Variants in ATIC observed in about 807,000 individuals in gnomAD.
ATIC encodes 5-aminoimidazole-4-carboxamide ribonucleotide formyltransferase/IMP cyclohydrolase, also known as bifunctional purine biosynthesis protein ATIC.
A neutral mutation model predicts 72.5 loss-of-function variants in ATIC; 64 were observed. That is an observed-to-expected ratio of 0.88 (90% CI 0.72 to 1.09). The LOEUF is 1.09. Among genes scored for constraint, ATIC ranks in the 50% least tolerant of loss-of-function variants. The pLI, the probability that ATIC is intolerant of heterozygous loss-of-function variation, is 0.00. For synonymous variants in ATIC, 281 were observed against 267.1 expected, an observed-to-expected ratio of 1.05 and a Z score of -0.51; for missense variants, 787 against 732.4, an observed-to-expected ratio of 1.07 and a Z score of -0.86.
At position 215,349,210 on chromosome 2, in the gene ATIC, C is replaced by T. The variant is rs1004060261; in HGVS notation, c.1620C>T (p.Ala540=). ...KLTEVSISSD[A]FFPFRDNVDR... The stretch of plus-strand genomic sequence containing the variant: ...CTGAAGTTTCTATCAGCTCTGATGC[C>T]TTCTTCCCTTTCCGAGATAACGTAG... Residue 540 remains alanine, a synonymous_variant, in exon 15 of 16, where the codon GCC becomes GCT. Coordinates refer to ENST00000236959, the MANE Select transcript of ATIC (RefSeq NM_004044.7). 6.2e-7 allele frequency: 1 copy of T among 1,614,122 alleles called. No homozygotes were observed. The highest frequency in any genetic ancestry group is 8.5e-7 in the Non-Finnish European group (1 of 1,180,034).
At chr2:215,364,382 A>C in the ATIC span, 6 of 229,704 alleles carry the variant, frequency 2.6e-5, no homozygotes, top group South Asian at 7.0e-5. Context: ...GCTACACTGC[A>C]CTTAACACTT....
chr2:215,338,390 CA>C (rs1350622383), intron 11 of ATIC, among the ~76,000 whole-genome samples: 5 of 152,160 alleles, frequency 3.3e-5, no homozygotes, highest in African/African-American at 7.2e-5. Context: ...ATTTAATTAG[CA>C]CATCTGTTTT....
At chr2:215,347,013 A>G in intron 14 of ATIC, 72 bp downstream of exon 14, 1 of 1,527,234 alleles carries the variant, frequency 6.5e-7, no homozygotes, top group Non-Finnish European at 9.0e-7. Flanking sequence ...ACAGATTTTA[A>G]CTTCATCACC....
intron 2 of ATIC, among the ~76,000 whole-genome samples, chr2:215,313,007 G>T (rs556576686): frequency 6.6e-6 from 1 of 151,496 alleles, no homozygotes; most frequent in Non-Finnish European, 1.5e-5. Flanking sequence ...TGAGGCAGGA[G>T]AATCGCTTGA....
the ATIC span, chr2:215,365,714 AGG>A: frequency 7.6e-7 from 1 of 1,315,730 alleles, no homozygotes; most frequent in Non-Finnish European, 1.1e-6. Context: ...GACGTGTCAC[AGG>A]GTCTTCAGAA....
At chr2:215,364,740 C>A in the ATIC span, 1 of 694,920 alleles carries the variant, frequency 1.4e-6, no homozygotes. Flanking sequence ...TCTATGTCAG[C>A]AGTTGTATGC....
intron 14 of ATIC, chr2:215,347,252 C>T (rs2053081348): frequency 2.5e-6 from 1 of 404,752 alleles, no homozygotes; most frequent in African/African-American, 2.1e-5. Context: ...GACTGCTTTT[C>T]ACCTACGTCG....
At chr2:215,345,864 C>A (rs1361938372) in intron 13 of ATIC, among the ~76,000 whole-genome samples, 2 of 152,168 alleles carry the variant, frequency 1.3e-5, no homozygotes, top group African/African-American at 4.8e-5. Context: ...AGCAGCTGTG[C>A]TCAGAAAGAG....
chr2:215,354,078 A>G (rs1354795340), downstream of ATIC, among the ~76,000 whole-genome samples: 1 of 151,952 alleles, frequency 6.6e-6, no homozygotes, highest in Admixed American at 6.6e-5. Context: ...CCCAGGCTGG[A>G]GTGCAGTGGT....
chr2:215,321,091 T>G (rs2052761767), intron 4 of ATIC, among the ~76,000 whole-genome samples: 1 of 152,162 alleles, frequency 6.6e-6, no homozygotes, highest in African/African-American at 2.4e-5. Flanking sequence ...TATTAAAACA[T>G]ATTCATCACC....
At chr2:215,352,473 T>C, downstream of ATIC, among the ~76,000 whole-genome samples, 1 of 151,878 alleles carries the variant, frequency 6.6e-6, no homozygotes, top group African/African-American at 2.4e-5. Context: ...TTCCACCTAC[T>C]TGGGAGGCTG....
intron 11 of ATIC, among the ~76,000 whole-genome samples, chr2:215,336,816 G>C (rs767615269): frequency 2.2e-4 from 34 of 152,146 alleles, no homozygotes; most frequent in Non-Finnish European, 3.8e-4. Flanking sequence ...ATGTATATTG[G>C]TAATCTTAAT....
intron 7 of ATIC, among the ~76,000 whole-genome samples, chr2:215,330,439 G>GTT (rs751610332): frequency 4.3e-4 from 66 of 152,064 alleles, no homozygotes; most frequent in Non-Finnish European, 7.5e-4. Context: ...CTTCCCCGCA[G>GTT]TTTCTCCTGT....
In ATIC at chr2:215,318,241, G is replaced by A; in HGVS notation, c.223+8G>A. On this transcript the variant is annotated splice_region_variant and intron_variant, in intron 3 of 15. Transcript: ENST00000236959. ...ATCCTGCAGTCCATGCTGGTAAGTG[G>A]TTGGTATCTTTAATGTAAAAACAGT... 6.2e-7 allele frequency: 1 copy of A among 1,611,472 alleles called. No individual in the cohort carries two copies. Among genetic ancestry groups the A allele is most frequent in the Non-Finnish European group, 8.5e-7 (1 of 1,177,538 alleles).
chr2:215,327,004 G>A (rs933923841), intron 7 of ATIC, 26 bp downstream of exon 7: 1 of 1,613,998 alleles, frequency 6.2e-7, no homozygotes, highest in Non-Finnish European at 8.5e-7. Flanking sequence ...TCTGTGGCAT[G>A]GTTTGCTGTG....
chr2:215,321,431 A>C (rs1445585166), intron 4 of ATIC, among the ~76,000 whole-genome samples: 33 of 152,214 alleles, frequency 2.2e-4, no homozygotes, highest in Non-Finnish European at 2.9e-5. Flanking sequence ...TGAATAATGC[A>C]GCTATAAATA....
chr2:215,312,342 G>C, intron 1 of ATIC, 156 bp from the exon 2 acceptor site: 1 of 1,508,002 alleles, frequency 6.6e-7, no homozygotes, highest in Non-Finnish European at 9.1e-7. Flanking sequence ...CAGCTCGCGG[G>C]TGTAAGACCT....
chr2:215,325,421 A>G (rs533547933), intron 5 of ATIC, 92 bp downstream of exon 5: 9 of 954,270 alleles, frequency 9.4e-6, no homozygotes, highest in East Asian at 5.1e-5. Flanking sequence ...CTGAGGAAAT[A>G]GAAAGAAAAT....
downstream of ATIC, among the ~76,000 whole-genome samples, chr2:215,349,932 G>A (rs1008478972): frequency 3.9e-5 from 6 of 152,074 alleles, no homozygotes; most frequent in South Asian, 8.3e-4. Flanking sequence ...GGAACCAAAC[G>A]AGCTGAGCAG....
Sources: allele counts gnomAD v4.1 joint callset (sites outside exome capture counted in the v4.1 genomes callset), GRCh38; gene constraint gnomAD v4.1.1; transcripts MANE v1.5; gene names NCBI Gene and HGNC (gene_info 2026-07-23, HGNC 2026-07-21).